KCNIP4: variants seen among roughly 807,000 people sequenced by gnomAD.
KCNIP4 encodes potassium voltage-gated channel interacting protein 4.
KCNIP4 carries 12 observed loss-of-function variants against 34.0 expected under a neutral mutation model. The observed-to-expected ratio is 0.35, with a 90% CI of 0.23 to 0.57. The LOEUF (loss-of-function observed/expected upper bound fraction) is 0.57. KCNIP4 is among the 20% of genes least tolerant of loss of function. The pLI is 0.83. For synonymous variants in KCNIP4, 124 were observed against 102.2 expected (o/e 1.21, Z -1.29); for missense variants, 238 against 311.7 (o/e 0.76, Z 1.78).
intron 1 of KCNIP4, among the ~76,000 whole-genome samples, chr4:21,707,413 T>C (rs1713366794): frequency 6.6e-6 from 1 of 152,152 alleles, no homozygotes; most frequent in South Asian, 2.1e-4. Flanking sequence ...ATTGAACTAT[T>C]CTTTGTTTGG....
intron 1 of KCNIP4, among the ~76,000 whole-genome samples, chr4:21,329,268 A>G (rs1290177873): frequency 6.6e-6 from 1 of 152,230 alleles, no homozygotes; most frequent in African/African-American, 2.4e-5. Context: ...ATACTGTTTT[A>G]TATACTTCCA....
At chr4:21,666,160 G>A (rs1478730978) in intron 1 of KCNIP4, among the ~76,000 whole-genome samples, 1 of 152,172 alleles carries the variant, frequency 6.6e-6, no homozygotes, top group African/African-American at 2.4e-5. Flanking sequence ...TAAAAATCAA[G>A]TTGAAATGTC....
At chr4:20,854,073 A>C (rs1008087827) in intron 2 of KCNIP4, among the ~76,000 whole-genome samples, 6 of 152,222 alleles carry the variant, frequency 3.9e-5, no homozygotes, top group African/African-American at 1.2e-4. Context: ...ATTATGGAAA[A>C]CAATGTGGAG....
chr4:21,329,992 C>T lies in KCNIP4; in HGVS notation c.62-447283G>A, dbSNP rs375811220. 1.8e-4 allele frequency among the ~76,000 whole-genome samples: 27 copies of T among 152,160 alleles called. No individual in the cohort carries two copies. In the East Asian group the frequency reaches 3.1e-3, roughly 17 times the overall value. ...GCAACTAACATATTAACAGGTTTCC[C>T]GTTCATTACCGTAGGATAATTCATT... is the stretch of plus-strand genomic sequence containing the variant. On this transcript the variant is annotated intron_variant, in intron 1 of 8. Transcript: ENST00000382152.
chr4:20,938,293 T>C lies in KCNIP4; in HGVS notation c.62-55584A>G, dbSNP rs531361001. On this transcript the variant is annotated intron_variant, in intron 1 of 8. Coordinates refer to ENST00000382152, the MANE Select transcript of KCNIP4 (RefSeq NM_025221.6). ...GGCAAAGAGGAGCCCAGAAAAGCTCTTGTAAACACAAGAGCTTTTGGTATT... is the reference window on the plus strand; with the variant it reads ...GGCAAAGAGGAGCCCAGAAAAGCTCCTGTAAACACAAGAGCTTTTGGTATT... 3.3e-5 allele frequency among the ~76,000 whole-genome samples: 5 copies of C among 152,072 alleles called. No individual in the cohort carries two copies. In the South Asian group the frequency reaches 1.0e-3, roughly 32 times the overall value.
chr4:21,416,262 G>T (rs1560383885), intron 1 of KCNIP4, among the ~76,000 whole-genome samples: 1 of 152,150 alleles, frequency 6.6e-6, no homozygotes, highest in Non-Finnish European at 1.5e-5. Context: ...AGTGAAAATG[G>T]AATACACAAA....
chr4:21,038,168 G>T (rs1180640372), intron 1 of KCNIP4, among the ~76,000 whole-genome samples: 1 of 151,790 alleles, frequency 6.6e-6, no homozygotes, highest in East Asian at 1.9e-4. Context: ...AGTAGAGAAG[G>T]GTTTTCACCA....
chr4:21,845,172 A>C (rs1210352976), intron 1 of KCNIP4: 2 of 151,958 alleles, frequency 1.3e-5, no homozygotes, highest in African/African-American at 4.8e-5. Context: ...CTATTATCCA[A>C]ATAGAGGGTT....
chr4:21,943,089 G>C (rs1456029458), intron 1 of KCNIP4, among the ~76,000 whole-genome samples: 1 of 152,192 alleles, frequency 6.6e-6, no homozygotes, highest in Non-Finnish European at 1.5e-5. Context: ...AAGCATTGTA[G>C]AAGTGCTTAC....
At chr4:21,820,293 A>G (rs953148475) in intron 1 of KCNIP4, among the ~76,000 whole-genome samples, 19 of 20,080 alleles carry the variant, frequency 9.5e-4, no homozygotes, top group African/African-American at 1.6e-3. Context: ...GTGTATATAT[A>G]TATATATATA....
intron 4 of KCNIP4, among the ~76,000 whole-genome samples, chr4:20,754,129 A>ACAAACC (rs1754104699): frequency 6.6e-6 from 1 of 152,184 alleles, no homozygotes; most frequent in Admixed American, 6.6e-5. Flanking sequence ...AATAGCACCA[A>ACAAACC]CAAACCGTTT....
intron 1 of KCNIP4, among the ~76,000 whole-genome samples, chr4:21,112,057 C>CTATCTATCTATCCATCTATA (rs1560732966): frequency 9.9e-5 from 15 of 151,938 alleles, no homozygotes; most frequent in Non-Finnish European, 1.9e-4. Flanking sequence ...ATCTATCTAT[C>CTATCTATCTATCCATCTATA]TATCTATCTA....
At chr4:21,356,740 C>T (rs1718649101) in intron 1 of KCNIP4, among the ~76,000 whole-genome samples, 2 of 152,114 alleles carry the variant, frequency 1.3e-5, no homozygotes, top group Admixed American at 6.6e-5. Flanking sequence ...GGCCATACTG[C>T]CCAAGGTCAT....
chr4:21,317,842 T>C (rs1274199833), intron 1 of KCNIP4, among the ~76,000 whole-genome samples: 1 of 152,192 alleles, frequency 6.6e-6, no homozygotes, highest in Non-Finnish European at 1.5e-5. Flanking sequence ...AACAGGAGTC[T>C]TCCTGCACAA....
At chr4:21,782,224 G>GAT (rs1491468117) in intron 1 of KCNIP4, among the ~76,000 whole-genome samples, 5 of 151,948 alleles carry the variant, frequency 3.3e-5, no homozygotes, top group African/African-American at 9.7e-5. Context: ...CAAATATAAT[G>GAT]ATATATATAC....
intron 2 of KCNIP4, among the ~76,000 whole-genome samples, chr4:20,850,992 T>A (rs2149483624): frequency 6.6e-6 from 1 of 151,648 alleles, no homozygotes; most frequent in South Asian, 2.1e-4. Context: ...AAAGTTTAAG[T>A]AGCAATATAT....
At chr4:21,555,861 A>T (rs911886182) in intron 1 of KCNIP4, among the ~76,000 whole-genome samples, 1 of 152,088 alleles carries the variant, frequency 6.6e-6, no homozygotes, top group Non-Finnish European at 1.5e-5. Flanking sequence ...CAGAGTTCAT[A>T]TCTCAACTCC....
chr4:20,817,855 T>G (rs1716609059), intron 3 of KCNIP4, among the ~76,000 whole-genome samples: 1 of 152,212 alleles, frequency 6.6e-6, no homozygotes, highest in Admixed American at 6.5e-5. Context: ...GTAACTCCTC[T>G]GAGCAAGTGG....
intron 1 of KCNIP4, among the ~76,000 whole-genome samples, chr4:21,615,384 C>CA (rs11463024): frequency 0.52 from 74,267 of 142,906 alleles, 18,889 homozygotes; most frequent in East Asian, 0.73. Flanking sequence ...ACTAAAAATA[C>CA]AAAAAAAAAA....
Sources: allele counts gnomAD v4.1 joint callset (sites outside exome capture counted in the v4.1 genomes callset), GRCh38; gene constraint gnomAD v4.1.1; transcripts MANE v1.5; gene names NCBI Gene and HGNC (gene_info 2026-07-23, HGNC 2026-07-21).